Variants in TGDS observed in about 807,000 individuals in gnomAD.
TGDS encodes UDP-D-glucose 4,6-dehydratase.
A neutral mutation model predicts 52.3 loss-of-function variants in TGDS; 47 were observed. The observed-to-expected ratio is 0.90, with a 90% CI of 0.71 to 1.15. TGDS has a LOEUF of 1.15. Ranked by LOEUF, TGDS falls within the 50% of genes most tolerant of loss-of-function variation. TGDS has a pLI of 0.00. For synonymous variants in TGDS, 115 were observed against 136.9 expected (o/e 0.84, Z 1.12); for missense variants, 375 against 418.4 (o/e 0.90, Z 0.90).
chr13:94,588,767 G>A (rs1889090112), intron 4 of TGDS, among the ~76,000 whole-genome samples: 1 of 152,126 alleles, frequency 6.6e-6, no homozygotes, highest in Admixed American at 6.6e-5. Flanking sequence ...CAAGTAGAAG[G>A]ACTTGCTTTA....
At chr13:94,591,378 A>G (rs1431967753) in intron 3 of TGDS, among the ~76,000 whole-genome samples, 4 of 152,164 alleles carry the variant, frequency 2.6e-5, no homozygotes, top group Non-Finnish European at 5.9e-5. Flanking sequence ...AGATCACTTG[A>G]GCTCCAGAGT....
In TGDS at chr13:94,583,111, C is replaced by G; in HGVS notation, c.439G>C (p.Gly147Arg). The G allele has an allele frequency of 6.2e-7, 1 of 1,613,454 alleles. No individual in the cohort carries two copies. The highest frequency in any genetic ancestry group is 1.1e-5 in the South Asian group (1 of 90,936). ...AAGCTCACCTTATCAAGACTGCCAC[C>G]ATATACTTCATCTGTGCTGACATAA... is the stretch of plus-strand genomic sequence containing the variant. ...FIYVSTDEVY[G>R]GSLDKEFDES... The change falls in exon 5 of 12, where the codon GGT (glycine) becomes CGT (arginine). Residue 147 changes from glycine (G) to arginine (R), a missense_variant. Coordinates refer to ENST00000261296, the MANE Select transcript of TGDS (RefSeq NM_014305.4).
intron 11 of TGDS, among the ~76,000 whole-genome samples, 153 bp downstream of exon 11, chr13:94,576,161 G>C: frequency 6.6e-6 from 1 of 152,084 alleles, no homozygotes; most frequent in Non-Finnish European, 1.5e-5. Flanking sequence ...AGGAAACACA[G>C]GACTGCTACT....
intron 3 of TGDS, among the ~76,000 whole-genome samples, chr13:94,591,937 G>C (rs1431894603): frequency 1.3e-5 from 2 of 152,216 alleles, no homozygotes; most frequent in Non-Finnish European, 2.9e-5. Flanking sequence ...GAGACTTCCA[G>C]AGTCAATCAA....
intron 10 of TGDS, 88 bp from the exon 11 acceptor site, chr13:94,576,499 C>T: frequency 1.2e-6 from 1 of 811,446 alleles, no homozygotes; most frequent in Non-Finnish European, 1.7e-6. Flanking sequence ...TGCATTTTTA[C>T]CACAACCCAA....
At position 94,592,246 on chromosome 13, in the gene TGDS, T is replaced by A; in HGVS notation, c.217A>T (p.Ile73Leu). The A allele has an allele frequency of 6.2e-7, 1 of 1,608,472 alleles. No individual in the cohort carries two copies. Among genetic ancestry groups the A allele is most frequent in the African/African-American group, 1.3e-5 (1 of 74,764 alleles). The change falls in exon 3 of 12, where the codon ATA (isoleucine) becomes TTA (leucine). Residue 73 changes from isoleucine (I) to leucine (L), a missense_variant. By Grantham distance (5) the Ile-to-Leu change is conservative. Transcript: ENST00000261296. ...TTACAAGAAAATGTTCATACCTGTA[T>A]AAATTTGTAGTTCTGTTTGTTAGAA... Reference protein sequence around the residue: ...TISNKQNYKFIQGDICDSHFV... With the variant: ...TISNKQNYKFLQGDICDSHFV...
At chr13:94,592,393 C>A in intron 2 of TGDS, 84 bp from the exon 3 acceptor site, 2 of 1,039,972 alleles carry the variant, frequency 1.9e-6, no homozygotes, top group Non-Finnish European at 2.8e-6. Flanking sequence ...TTAAAGACTA[C>A]AGATGTTACT....
intron 8 of TGDS, 72 bp from the exon 9 acceptor site, chr13:94,578,242 T>C (rs1888670445): frequency 7.2e-7 from 1 of 1,398,516 alleles, no homozygotes; most frequent in African/African-American, 1.5e-5. Flanking sequence ...GACTGGGTAC[T>C]ACAACTCCAG....
At chr13:94,582,998 A>T in intron 5 of TGDS, 96 bp downstream of exon 5, 1 of 1,300,606 alleles carries the variant, frequency 7.7e-7, no homozygotes, top group South Asian at 1.4e-5. Context: ...CCACAAGTGT[A>T]TATAATTTGA....
chr13:94,593,805 A>G (rs1889284618), intron 2 of TGDS, 36 bp downstream of exon 2: 1 of 1,315,272 alleles, frequency 7.6e-7, no homozygotes, highest in Admixed American at 2.1e-5. Flanking sequence ...TTGAAATGTA[A>G]TTTCAGTGCA....
In TGDS at chr13:94,577,381, C is replaced by T; in HGVS notation, c.874G>A (p.Val292Ile). The change falls in exon 10 of 12, where the codon GTT becomes ATT. Residue 292 changes from valine (V) to isoleucine (I), a missense_variant. By Grantham distance (29) the Val-to-Ile change is conservative. Coordinates refer to ENST00000261296, the MANE Select transcript of TGDS (RefSeq NM_014305.4). ...ESEMENWVDY[V>I]NDRPTNDMRY... Reference sequence around the variant, plus strand: ...TAACTTGTTACTCACCTATCATTAACATAATCAACCCAATTTTCCATTTCA... The same window carrying T: ...TAACTTGTTACTCACCTATCATTAATATAATCAACCCAATTTTCCATTTCA... 1.9e-6 allele frequency: 3 copies of T among 1,573,846 alleles called. No homozygotes were observed. The highest frequency in any genetic ancestry group is 2.6e-6 in the Non-Finnish European group (3 of 1,164,468).
At chr13:94,595,946 A>C in intron 1 of TGDS, 105 bp downstream of exon 1, 1 of 1,279,482 alleles carries the variant, frequency 7.8e-7, no homozygotes, top group Non-Finnish European at 1.1e-6. Flanking sequence ...TATCAGAATA[A>C]GGACCCCTCA....
intron 1 of TGDS, among the ~76,000 whole-genome samples, chr13:94,595,164 G>C (rs1012298223): frequency 6.6e-6 from 1 of 152,202 alleles, no homozygotes; most frequent in Non-Finnish European, 1.5e-5. Flanking sequence ...GGTGCAAACA[G>C]CCTAAGGAAA....
Position 94,596,048 on chromosome 13 carries a change from T to G in TGDS, c.86+3A>C, listed in dbSNP as rs1257509685. 8 of 1,613,944 alleles carry G rather than the reference T, an allele frequency of 5.0e-6. No individual in the cohort carries two copies. The highest frequency in any genetic ancestry group is 6.8e-6 in the Non-Finnish European group (8 of 1,179,944). The stretch of plus-strand genomic sequence containing the variant: ...CTGCTTGGCTAGCGGCGCCATTACC[T>G]ACATGAAACCAGCACCGCCGGTCAC... On this transcript the variant is annotated splice_donor_region_variant and intron_variant, in intron 1 of 11. Coordinates refer to ENST00000261296, the MANE Select transcript of TGDS (RefSeq NM_014305.4).
intron 4 of TGDS, among the ~76,000 whole-genome samples, chr13:94,588,119 G>C (rs562235113): frequency 5.3e-5 from 8 of 151,604 alleles, no homozygotes; most frequent in Admixed American, 2.0e-4. Context: ...TTGAAAACGG[G>C]AAAAGGCTGG....
chr13:94,583,121 A>C lies in TGDS; in HGVS notation c.429T>G (p.Asp143Glu), dbSNP rs984991913. The change falls in exon 5 of 12, where the codon GAT becomes GAG. Residue 143 changes from aspartate (D) to glutamate (E), a missense_variant. Transcript: ENST00000261296. ...RVEKFIYVST[D>E]EVYGGSLDKE... ...TATCAAGACTGCCACCATATACTTC[A>C]TCTGTGCTGACATAAATAAACTTCT... is the stretch of plus-strand genomic sequence containing the variant. The C allele has an allele frequency of 1.2e-6, 2 of 1,613,900 alleles. No individual in the cohort carries two copies. Among genetic ancestry groups the C allele is most frequent in the Non-Finnish European group, 1.7e-6 (2 of 1,179,908 alleles).
At chr13:94,574,991 T>C in intron 11 of TGDS, 139 bp from the exon 12 acceptor site, 1 of 499,834 alleles carries the variant, frequency 2.0e-6, no homozygotes, top group East Asian at 3.1e-5. Flanking sequence ...ACTAATGATG[T>C]AAACAATTTG....
At chr13:94,578,683 C>T in intron 8 of TGDS, 47 bp downstream of exon 8, 1 of 1,409,544 alleles carries the variant, frequency 7.1e-7, no homozygotes, top group South Asian at 1.2e-5. Flanking sequence ...ACCAAATACT[C>T]TAACATACCA....
Position 94,583,272 on chromosome 13 carries a change from C to G in TGDS, c.314-36G>C, listed in dbSNP as rs80046735. 6.0e-3 allele frequency: 9,521 copies of G among 1,597,472 alleles called. 40 individuals carry two copies. Among genetic ancestry groups the G allele is most frequent in the Non-Finnish European group, 7.0e-3 (8,228 of 1,173,180 alleles). Reference sequence around the variant, plus strand: ...AGAGTGAAAAGCTAAAACAAGTCTACCCAACGGATAAAACAAATGCCAAAT... The same window carrying G: ...AGAGTGAAAAGCTAAAACAAGTCTAGCCAACGGATAAAACAAATGCCAAAT... On this transcript the variant is annotated intron_variant, in intron 4 of 11. Transcript: ENST00000261296.
Sources: gnomAD v4.1 joint callset for allele counts (sites outside exome capture counted in the v4.1 genomes callset) on GRCh38, gnomAD v4.1.1 for gene constraint, MANE v1.5 for transcripts, NCBI Gene and HGNC (gene_info 2026-07-23, HGNC 2026-07-21) for gene names.